The following SLX4IP variants were observed in gnomAD, a reference collection of about 807,000 sequenced individuals.
SLX4IP encodes protein SLX4IP.
A neutral mutation model predicts 32.9 loss-of-function variants in SLX4IP; 34 were observed. The observed-to-expected ratio is 1.03, with a 90% confidence interval of 0.79 to 1.38. The LOEUF (loss-of-function observed/expected upper bound fraction) is 1.38. Among genes scored for constraint, SLX4IP ranks in the 40% most tolerant of loss-of-function variants. The pLI is 0.00. For missense variants in SLX4IP, 444 were observed against 479.0 expected (o/e 0.93, Z 0.68); for synonymous variants, 172 against 171.7 (o/e 1.00, Z -0.01).
At chr20:10,602,106 A>G (rs372248068) in intron 6 of SLX4IP, among the ~76,000 whole-genome samples, 3 of 152,266 alleles carry the variant, frequency 2.0e-5, no homozygotes, top group South Asian at 4.1e-4. Context: ...GATAGTGTTT[A>G]AATGAAATAA....
Position 10,623,710 on chromosome 20 carries a change from C to CA in SLX4IP, c.*332dup. ...ACTGATCATGAGCCCCTTCTTGGCA[C>CA]ATCACTGTGCAGACCACACAATGGA... On this transcript the variant is annotated 3_prime_UTR_variant, in exon 8 of 8. Transcript: ENST00000334534. The CA allele has an allele frequency of 3.1e-6, 1 of 317,526 alleles. No homozygotes were observed. Among genetic ancestry groups the CA allele is most frequent in the South Asian group, 4.3e-5 (1 of 23,320 alleles). The allele number at this position is 317,526 out of a possible 1,614,324, so 19.7% of individuals were successfully genotyped here.
chr20:10,517,516 A>G (rs2122440674), intron 2 of SLX4IP, among the ~76,000 whole-genome samples: 1 of 152,330 alleles, frequency 6.6e-6, no homozygotes, highest in East Asian at 1.9e-4. Context: ...ATATGTTATG[A>G]GTTAGAAGGT....
At chr20:10,497,446 G>T (rs1314237400) in intron 2 of SLX4IP, among the ~76,000 whole-genome samples, 3 of 152,078 alleles carry the variant, frequency 2.0e-5, no homozygotes, top group African/African-American at 7.2e-5. Flanking sequence ...GTACTCAAAG[G>T]TGTTTTCATC....
In SLX4IP at chr20:10,479,357, T is replaced by TTC. The variant is rs1379197961; in HGVS notation, c.27+21127_27+21128insCT. 7.1e-5 allele frequency among the ~76,000 whole-genome samples: 10 copies of TTC among 141,572 alleles called. 3 individuals carry two copies. Among genetic ancestry groups the TTC allele is most frequent in the Non-Finnish European group, 7.9e-5 (5 of 63,410 alleles). The allele number at this position is 141,572 out of a possible 152,430, so 92.9% of individuals were successfully genotyped here. ...ATCGCTCAAATTCCATATTTCTTTT[T>TTC]TTTTTTTTTTTTTGAGATGGAGTCT... On this transcript the variant is annotated intron_variant, in intron 2 of 7. Transcript: ENST00000334534.
rs2067156953 is a variant in SLX4IP, at chr20:10,625,022, C to T, written c.*1643C>T. The T allele has an allele frequency of 6.6e-6, 1 of 152,192 alleles. No homozygotes were observed. The highest frequency in any genetic ancestry group is 2.4e-5 in the African/African-American group (1 of 41,444). 9.4% of individuals were successfully genotyped at this position (152,192 alleles called of 1,614,324 possible). A position where few individuals can be genotyped will look rare whatever the true frequency, so the allele number is the denominator to read the frequency against. On this transcript the variant is annotated 3_prime_UTR_variant, in exon 8 of 8. Transcript: ENST00000334534. ...TGTCCTCTTCCCTCTTGGCTTTTTT[C>T]CTGCTCCCAGCGGAACCCAGTCAGG...
intron 4 of SLX4IP, among the ~76,000 whole-genome samples, chr20:10,583,689 AAC>A (rs1319925282): frequency 6.6e-6 from 1 of 152,186 alleles, no homozygotes; most frequent in Non-Finnish European, 1.5e-5. Flanking sequence ...CTCATCTGGC[AAC>A]ACATGATTTC....
At chr20:10,568,986 T>G (rs2066428220) in intron 4 of SLX4IP, among the ~76,000 whole-genome samples, 1 of 152,198 alleles carries the variant, frequency 6.6e-6, no homozygotes, top group Admixed American at 6.5e-5. Flanking sequence ...CTTTTTCCCT[T>G]GTGCAAATAC....
At chr20:10,518,223 G>T (rs1380523506) in intron 2 of SLX4IP, among the ~76,000 whole-genome samples, 1 of 152,188 alleles carries the variant, frequency 6.6e-6, no homozygotes, top group East Asian at 1.9e-4. Flanking sequence ...CTGTTAGGAA[G>T]ATATACTTGC....
At chr20:10,602,101 T>G (rs1212294588) in intron 6 of SLX4IP, among the ~76,000 whole-genome samples, 1 of 152,200 alleles carries the variant, frequency 6.6e-6, no homozygotes, top group African/African-American at 2.4e-5. Context: ...CTTATGATAG[T>G]GTTTAAATGA....
chr20:10,508,486 A>G (rs192001951), intron 2 of SLX4IP, among the ~76,000 whole-genome samples: 4 of 152,296 alleles, frequency 2.6e-5, no homozygotes, highest in African/African-American at 9.6e-5. Context: ...GAAGTATCTC[A>G]CAGATTTACA....
chr20:10,623,444 C>T lies in SLX4IP; in HGVS notation c.*65C>T, dbSNP rs139813629. On this transcript the variant is annotated 3_prime_UTR_variant, in exon 8 of 8. Coordinates refer to ENST00000334534, the MANE Select transcript of SLX4IP (RefSeq NM_001009608.3). ...GGCCAAACCTGTGACAAGAGAGCTG[C>T]GAATATAGATGCCGGGATTTTAAAG... 1.8e-5 allele frequency: 27 copies of T among 1,524,418 alleles called. No homozygotes were observed. The highest frequency in any genetic ancestry group is 4.2e-5 in the African/African-American group (3 of 71,668). 94.4% of individuals were successfully genotyped at this position (1,524,418 alleles called of 1,614,324 possible). A position where few individuals can be genotyped will look rare whatever the true frequency, so the allele number is the denominator to read the frequency against.
At chr20:10,563,781 C>T (rs573070439) in intron 4 of SLX4IP, among the ~76,000 whole-genome samples, 46 of 152,280 alleles carry the variant, frequency 3.0e-4, no homozygotes, top group Non-Finnish European at 4.9e-4. Flanking sequence ...GTTTTTATAA[C>T]CATACCATGC....
In SLX4IP at chr20:10,446,707, C is replaced by A. The variant is rs1424332799; in HGVS notation, c.-30+11254C>A. 2.0e-5 allele frequency among the ~76,000 whole-genome samples: 3 copies of A among 152,232 alleles called. No individual in the cohort carries two copies. The East Asian group carries it at 5.8e-4, about 29-fold the overall frequency. Reference sequence around the variant, plus strand: ...TCATTGTGGTTTTATTTTACATTTTCCCATGGCTAATGATGTTGAATATCT... The same window carrying A: ...TCATTGTGGTTTTATTTTACATTTTACCATGGCTAATGATGTTGAATATCT... On this transcript the variant is annotated intron_variant, in intron 1 of 7. Coordinates refer to ENST00000334534, the MANE Select transcript of SLX4IP (RefSeq NM_001009608.3).
intron 2 of SLX4IP, among the ~76,000 whole-genome samples, chr20:10,521,167 G>A (rs1403405507): frequency 6.6e-6 from 1 of 152,138 alleles, no homozygotes; most frequent in Admixed American, 6.5e-5. Context: ...GCTCTCTTCA[G>A]CAGCCTTGCT....
At position 10,437,984 on chromosome 20, in the gene SLX4IP, T is replaced by C. The variant is rs140953307; in HGVS notation, c.-30+2531T>C. Among the ~76,000 whole-genome samples, 249 of 152,338 alleles carry C rather than the reference T, an allele frequency of 1.6e-3. 1 individual carries two copies. Among genetic ancestry groups the C allele is most frequent in the African/African-American group, 5.3e-3 (221 of 41,586 alleles). On this transcript the variant is annotated intron_variant, in intron 1 of 7. Coordinates refer to ENST00000334534, the MANE Select transcript of SLX4IP (RefSeq NM_001009608.3). ...AGATAGGGTTGATGTGAACGTTAGA[T>C]AAATTCATACAAGAAAAATGCTTGT...
intron 6 of SLX4IP, among the ~76,000 whole-genome samples, chr20:10,619,150 A>C (rs1186369096): frequency 6.6e-6 from 1 of 151,826 alleles, no homozygotes; most frequent in Non-Finnish European, 1.5e-5. Flanking sequence ...ATGTGGTTTT[A>C]ATTTGTAAGC....
intron 6 of SLX4IP, chr20:10,613,179 G>A (rs1007004790): frequency 1.4e-5 from 7 of 507,850 alleles, no homozygotes; most frequent in African/African-American, 1.4e-4. Flanking sequence ...TGTCAGGAAG[G>A]GACACTGCCT....
In SLX4IP at chr20:10,560,813, C is replaced by T. The variant is rs2066324492; in HGVS notation, c.231C>T (p.Ser77=). The T allele has an allele frequency of 6.3e-7, 1 of 1,596,814 alleles. No individual in the cohort carries two copies. The highest frequency in any genetic ancestry group is 1.8e-5 in the Admixed American group (1 of 56,452). Residue 77 remains serine (S), a synonymous_variant, in exon 4 of 8, where the codon TCC becomes TCT. Transcript: ENST00000334534. ...NAEFTRSNPL[S]LKGYGFQITA... is the part of the protein sequence containing the mutation. ...AATTCACAAGATCCAATCCCTTGTCCTTAAAAGGTAGGCACAGAGCACTTT... is the reference window on the plus strand; with the variant it reads ...AATTCACAAGATCCAATCCCTTGTCTTTAAAAGGTAGGCACAGAGCACTTT...
intron 2 of SLX4IP, among the ~76,000 whole-genome samples, chr20:10,474,773 G>A (rs1658222062): frequency 6.6e-6 from 1 of 152,182 alleles, no homozygotes; most frequent in South Asian, 2.1e-4. Flanking sequence ...AATCGGGGCT[G>A]CTGAATCAGA....
Sources: allele counts gnomAD v4.1 joint callset (sites outside exome capture counted in the v4.1 genomes callset), GRCh38; gene constraint gnomAD v4.1.1; transcripts MANE v1.5; gene names NCBI Gene and HGNC (gene_info 2026-07-23, HGNC 2026-07-21).